Variants in DLG2 observed in about 807,000 individuals in gnomAD.
DLG2 encodes disks large homolog 2.
Under a neutral mutation model 132.5 loss-of-function variants are expected in DLG2, and 45 were observed. The ratio of observed to expected loss-of-function variants is 0.34; its 90% CI spans 0.27 to 0.44. The LOEUF is 0.44. Ranked by LOEUF, DLG2 falls within the 20% of genes least tolerant of loss-of-function variation. DLG2 has a pLI of 1.00. For missense variants in DLG2, 1,045 were observed against 1,196.9 expected (o/e 0.87, Z 1.87); for synonymous variants, 424 against 419.6 (o/e 1.01, Z -0.13).
At chr11:84,803,351 A>C (rs1307625908) in intron 6 of DLG2, among the ~76,000 whole-genome samples, 1 of 152,254 alleles carries the variant, frequency 6.6e-6, no homozygotes, top group East Asian at 1.9e-4. Context: ...CTTTAATGAA[A>C]GCTGTTTTGT....
chr11:85,056,572 T>C (rs2063485137), intron 6 of DLG2, among the ~76,000 whole-genome samples: 2 of 151,976 alleles, frequency 1.3e-5, no homozygotes, highest in African/African-American at 2.4e-5. Context: ...AGAGAGAATG[T>C]AGCAGAAGCA....
intron 16 of DLG2, among the ~76,000 whole-genome samples, chr11:83,845,740 T>C (rs182153242): frequency 5.0e-4 from 76 of 152,320 alleles, no homozygotes; most frequent in Admixed American, 1.2e-3. Context: ...TACTGTGATA[T>C]TGGGAAAGAG....
At chr11:85,238,199 TTTTTA>T (rs993259170) in intron 4 of DLG2, among the ~76,000 whole-genome samples, 6 of 144,028 alleles carry the variant, frequency 4.2e-5, no homozygotes, top group African/African-American at 1.5e-4. Flanking sequence ...TTATTTTTTA[TTTTTA>T]TTTTATTTAT....
chr11:84,238,725 C>G (rs1360627957), intron 8 of DLG2, among the ~76,000 whole-genome samples: 2 of 151,446 alleles, frequency 1.3e-5, no homozygotes, highest in Admixed American at 6.6e-5. Flanking sequence ...AAATGTTAAG[C>G]CATTTCTCTT....
chr11:84,936,922 G>A (rs1340824148), intron 6 of DLG2, among the ~76,000 whole-genome samples: 1 of 152,190 alleles, frequency 6.6e-6, no homozygotes, highest in African/African-American at 2.4e-5. Flanking sequence ...GGAGGCCGAG[G>A]CAGCTGGATC....
chr11:85,506,129 G>C (rs2093927333), intron 3 of DLG2, among the ~76,000 whole-genome samples: 1 of 151,818 alleles, frequency 6.6e-6, no homozygotes, highest in African/African-American at 2.4e-5. Context: ...TATTAGTCTG[G>C]CTAGTGGTCT....
At chr11:83,659,937 G>A (rs2073811386) in intron 18 of DLG2, among the ~76,000 whole-genome samples, 1 of 152,102 alleles carries the variant, frequency 6.6e-6, no homozygotes, top group South Asian at 2.1e-4. Flanking sequence ...CTATCTCAAT[G>A]CTATTATTTG....
intron 6 of DLG2, among the ~76,000 whole-genome samples, chr11:84,835,566 G>C (rs1348583160): frequency 6.6e-6 from 1 of 151,702 alleles, no homozygotes; most frequent in African/African-American, 2.4e-5. Flanking sequence ...ATTTGTCTTA[G>C]TACATATGAC....
chr11:85,458,206 C>T (rs1474069475), intron 3 of DLG2, among the ~76,000 whole-genome samples: 1 of 152,010 alleles, frequency 6.6e-6, no homozygotes, highest in Non-Finnish European at 1.5e-5. Flanking sequence ...GACATTTTTT[C>T]CTCAGATTGG....
At chr11:83,852,157 C>T (rs1165352685) in intron 16 of DLG2, among the ~76,000 whole-genome samples, 1 of 152,156 alleles carries the variant, frequency 6.6e-6, no homozygotes, top group Non-Finnish European at 1.5e-5. Flanking sequence ...AGAGACAATA[C>T]ATTTCTGTTG....
At chr11:84,598,217 C>T (rs1593307832) in intron 6 of DLG2, among the ~76,000 whole-genome samples, 1 of 152,258 alleles carries the variant, frequency 6.6e-6, no homozygotes, top group East Asian at 1.9e-4. Context: ...GGACTAAGCC[C>T]TTTGCTCAGA....
At chr11:83,654,733 T>C (rs1420641607) in intron 18 of DLG2, among the ~76,000 whole-genome samples, 1 of 152,250 alleles carries the variant, frequency 6.6e-6, no homozygotes, top group East Asian at 1.9e-4. Context: ...AATACGTCTA[T>C]AGAAATGAAG....
At chr11:84,438,928 A>G (rs1029065277) in intron 7 of DLG2, among the ~76,000 whole-genome samples, 3 of 152,198 alleles carry the variant, frequency 2.0e-5, no homozygotes, top group Non-Finnish European at 4.4e-5. Context: ...TTCTCTTAAC[A>G]AAGTCACTTG....
chr11:85,547,391 C>T (rs1001300533), intron 3 of DLG2, among the ~76,000 whole-genome samples: 1 of 152,128 alleles, frequency 6.6e-6, no homozygotes. Context: ...TTGTGGGTAA[C>T]CTGACCTTTC....
At chr11:85,580,717 C>A (rs1342278117) in intron 3 of DLG2, among the ~76,000 whole-genome samples, 1 of 152,112 alleles carries the variant, frequency 6.6e-6, no homozygotes, top group Non-Finnish European at 1.5e-5. Context: ...GAACACAAAC[C>A]CAGGCAATCT....
intron 18 of DLG2, among the ~76,000 whole-genome samples, chr11:83,733,441 A>G (rs1429606623): frequency 6.6e-6 from 1 of 152,086 alleles, no homozygotes; most frequent in Non-Finnish European, 1.5e-5. Context: ...TTGCATAAAG[A>G]TTAACTAATG....
chr11:83,787,884 T>C (rs1454628902), intron 17 of DLG2, among the ~76,000 whole-genome samples: 1 of 152,156 alleles, frequency 6.6e-6, no homozygotes, highest in African/African-American at 2.4e-5. Flanking sequence ...TATAATGTAA[T>C]TAATAAGTGC....
intron 6 of DLG2, among the ~76,000 whole-genome samples, chr11:84,944,781 T>G (rs1336699946): frequency 6.6e-6 from 1 of 152,036 alleles, no homozygotes; most frequent in Non-Finnish European, 1.5e-5. Context: ...ATTTTTTGTA[T>G]TTTTGGTAGA....
intron 7 of DLG2, among the ~76,000 whole-genome samples, chr11:84,373,139 T>C (rs1319955164): frequency 6.6e-6 from 1 of 150,410 alleles, no homozygotes; most frequent in Non-Finnish European, 1.5e-5. Flanking sequence ...TTTCAGTTTG[T>C]GGAGGAAACA....
Sources: gnomAD v4.1 joint callset for allele counts (sites outside exome capture counted in the v4.1 genomes callset) on GRCh38, gnomAD v4.1.1 for gene constraint, MANE v1.5 for transcripts, NCBI Gene and HGNC (gene_info 2026-07-23, HGNC 2026-07-21) for gene names.